The following PARM1 variants were observed in gnomAD, a reference collection of about 807,000 sequenced individuals.
PARM1 encodes prostate androgen-regulated mucin-like protein 1.
In PARM1, 14 loss-of-function variants were observed where a neutral mutation model predicts 24.6. The observed-to-expected ratio is 0.57, with a 90% confidence interval of 0.38 to 0.89. The LOEUF (loss-of-function observed/expected upper bound fraction) is 0.89. Ranked by LOEUF, PARM1 falls within the 40% of genes least tolerant of loss-of-function variation. The pLI, the probability that PARM1 is intolerant of heterozygous loss-of-function variation, is 0.00. For synonymous variants in PARM1, 179 were observed against 156.6 expected, an observed-to-expected ratio of 1.14 and a Z score of -1.07; for missense variants, 362 against 380.4, an observed-to-expected ratio of 0.95 and a Z score of 0.40.
intron 2 of PARM1, among the ~76,000 whole-genome samples, chr4:75,019,327 A>G (rs1030826893): frequency 6.6e-6 from 1 of 152,234 alleles, no homozygotes; most frequent in African/African-American, 2.4e-5. Context: ...TCAAAACATC[A>G]TCAGTTCTTG....
At chr4:74,935,944 A>C (rs565168967) in intron 1 of PARM1, among the ~76,000 whole-genome samples, 113 of 152,168 alleles carry the variant, frequency 7.4e-4, no homozygotes, top group African/African-American at 2.6e-3. Flanking sequence ...CCATCCTCTC[A>C]TCTCAACCTC....
At chr4:74,997,969 G>A (rs374668451) in intron 1 of PARM1, among the ~76,000 whole-genome samples, 41 of 152,140 alleles carry the variant, frequency 2.7e-4, no homozygotes, top group Admixed American at 1.2e-3. Flanking sequence ...TACAGCTTCC[G>A]CAATTCACCC....
intron 1 of PARM1, among the ~76,000 whole-genome samples, chr4:74,968,148 G>A (rs938891129): frequency 1.3e-5 from 2 of 152,128 alleles, no homozygotes; most frequent in Non-Finnish European, 2.9e-5. Flanking sequence ...GCCAACCACA[G>A]TTTATTTATA....
rs569895035 is a variant in PARM1 at position 75,047,631 on chromosome 4, T to C, written c.*1384T>C. On this transcript the variant is annotated 3_prime_UTR_variant, in exon 4 of 4. Coordinates refer to ENST00000307428, the MANE Select transcript of PARM1 (RefSeq NM_015393.4). ...AGGAATGCTGCCAAACATTCTACCA[T>C]GCACAGCACAACCTACAACAGCAAA... The C allele has an allele frequency of 2.6e-5, 4 of 152,328 alleles. No homozygotes were observed. The highest frequency in any genetic ancestry group is 4.1e-4 in the South Asian group (2 of 4,828). 9.4% of individuals were successfully genotyped at this position (152,328 alleles called of 1,614,324 possible).
At chr4:74,941,205 A>G (rs1243538909) in intron 1 of PARM1, among the ~76,000 whole-genome samples, 1 of 152,224 alleles carries the variant, frequency 6.6e-6, no homozygotes, top group Non-Finnish European at 1.5e-5. Flanking sequence ...TGGAAATGAC[A>G]TTCAGGAGGA....
At chr4:75,015,006 AT>A (rs1323596374) in intron 2 of PARM1, among the ~76,000 whole-genome samples, 2 of 151,954 alleles carry the variant, frequency 1.3e-5, no homozygotes, top group Non-Finnish European at 2.9e-5. Flanking sequence ...CAGTGACCAC[AT>A]TTTTTTTCTT....
At chr4:74,946,303 A>G (rs1721409491) in intron 1 of PARM1, among the ~76,000 whole-genome samples, 1 of 152,142 alleles carries the variant, frequency 6.6e-6, no homozygotes, top group South Asian at 2.1e-4. Flanking sequence ...TCTCTTGCAT[A>G]AATGTAGTCT....
intron 3 of PARM1, among the ~76,000 whole-genome samples, chr4:75,040,937 A>G (rs1056704432): frequency 6.7e-6 from 1 of 149,744 alleles, no homozygotes; most frequent in African/African-American, 2.4e-5. Flanking sequence ...TGTCTTAGTG[A>G]GACCTTCCTG....
At chr4:74,935,989 A>G (rs999026379) in intron 1 of PARM1, among the ~76,000 whole-genome samples, 1 of 152,000 alleles carries the variant, frequency 6.6e-6, no homozygotes, top group African/African-American at 2.4e-5. Context: ...ACACCACCAT[A>G]GGCAGCTAAA....
chr4:74,952,178 C>T (rs1721538589), intron 1 of PARM1, among the ~76,000 whole-genome samples: 1 of 152,208 alleles, frequency 6.6e-6, no homozygotes, highest in Non-Finnish European at 1.5e-5. Flanking sequence ...TTGCATTTCT[C>T]TAATGACCAG....
intron 1 of PARM1, chr4:74,967,729 G>T (rs1721934987): frequency 6.6e-6 from 1 of 152,200 alleles, no homozygotes. Context: ...ATGCCTACCT[G>T]TAAAGTCTTG....
chr4:74,987,299 G>C (rs1722376280), intron 1 of PARM1, among the ~76,000 whole-genome samples: 1 of 152,074 alleles, frequency 6.6e-6, no homozygotes, highest in Non-Finnish European at 1.5e-5. Context: ...AGGATCACAG[G>C]GTTCAGGTGT....
chr4:74,949,102 C>T (rs1201612279), intron 1 of PARM1, among the ~76,000 whole-genome samples: 1 of 152,152 alleles, frequency 6.6e-6, no homozygotes, highest in African/African-American at 2.4e-5. Context: ...GGGCAATCAT[C>T]ATTACCTGAA....
chr4:75,019,822 T>C (rs1261524993), intron 2 of PARM1, among the ~76,000 whole-genome samples: 3 of 149,558 alleles, frequency 2.0e-5, no homozygotes, highest in Non-Finnish European at 4.5e-5. Context: ...GCTAACAAGG[T>C]GAAACCCCGT....
chr4:74,958,382 G>A, intron 1 of PARM1, among the ~76,000 whole-genome samples: 1 of 152,194 alleles, frequency 6.6e-6, no homozygotes, highest in Non-Finnish European at 1.5e-5. Context: ...TAGGCTGTGT[G>A]CTGGAGGTAT....
intron 1 of PARM1, among the ~76,000 whole-genome samples, chr4:75,004,706 G>A (rs1722739658): frequency 6.6e-6 from 1 of 152,140 alleles, no homozygotes; most frequent in Non-Finnish European, 1.5e-5. Context: ...TTAAAGGGAA[G>A]GGGAAGGGTT....
At chr4:74,976,745 A>G (rs1437377219) in intron 1 of PARM1, among the ~76,000 whole-genome samples, 4 of 152,198 alleles carry the variant, frequency 2.6e-5, no homozygotes, top group Non-Finnish European at 5.9e-5. Flanking sequence ...AAGAGGAAGG[A>G]GCAACCAGCC....
chr4:75,007,395 C>T (rs1722792290), intron 1 of PARM1, among the ~76,000 whole-genome samples: 1 of 152,118 alleles, frequency 6.6e-6, no homozygotes. Context: ...GGCTGGGACA[C>T]AGGGTATCAG....
At chr4:74,939,920 T>A (rs1405053724) in intron 1 of PARM1, among the ~76,000 whole-genome samples, 3 of 152,222 alleles carry the variant, frequency 2.0e-5, no homozygotes, top group Admixed American at 2.0e-4. Context: ...CATCTTCCAC[T>A]TACATTCCAA....
Sources: gnomAD v4.1 joint callset for allele counts (sites outside exome capture counted in the v4.1 genomes callset) on GRCh38, gnomAD v4.1.1 for gene constraint, MANE v1.5 for transcripts, NCBI Gene and HGNC (gene_info 2026-07-23, HGNC 2026-07-21) for gene names.